Variants in PCDHGA4 observed in about 807,000 individuals in gnomAD.
The protein encoded by PCDHGA4 is protocadherin gamma subfamily A, 4, also known as protocadherin gamma-A4.
Under a neutral mutation model 54.6 loss-of-function variants are expected in PCDHGA4, and 38 were observed. The ratio of observed to expected loss-of-function variants is 0.70; its 90% CI spans 0.54 to 0.91. PCDHGA4 has a LOEUF of 0.91. PCDHGA4 is among the 40% of genes least tolerant of loss of function. The pLI is 0.00. For missense variants in PCDHGA4, 1,298 were observed against 1,220.9 expected, an observed-to-expected ratio of 1.06 and a Z score of -0.94; for synonymous variants, 511 against 512.9, an observed-to-expected ratio of 1.00 and a Z score of 0.05.
chr5:141,405,351 C>T (rs2094645564), intron 1 of PCDHGA4: 1 of 1,613,962 alleles, frequency 6.2e-7, no homozygotes, highest in Non-Finnish European at 8.5e-7. Context: ...TCCAAGTTTC[C>T]TATAGAAGAC....
intron 1 of PCDHGA4, chr5:141,398,734 G>C (rs768663543): frequency 6.2e-7 from 1 of 1,613,788 alleles, no homozygotes; most frequent in Non-Finnish European, 8.5e-7. Context: ...CTTAGACCGG[G>C]AACAACAGAG....
At chr5:141,473,283 A>G (rs2099318531) in intron 1 of PCDHGA4, among the ~76,000 whole-genome samples, 1 of 152,324 alleles carries the variant, frequency 6.6e-6, no homozygotes, top group Non-Finnish European at 1.5e-5. Flanking sequence ...TTATTTTACT[A>G]TGTCAGTAGC....
At chr5:141,373,905 A>G (rs947607007) in intron 1 of PCDHGA4, 1 of 603,766 alleles carries the variant, frequency 1.7e-6, no homozygotes, top group Non-Finnish European at 2.7e-6. Context: ...TACATCCTCC[A>G]ACAACAAAGC....
At chr5:141,499,423 GA>G (rs1229901490) in intron 2 of PCDHGA4, among the ~76,000 whole-genome samples, 3 of 151,756 alleles carry the variant, frequency 2.0e-5, no homozygotes, top group Non-Finnish European at 2.9e-5. Flanking sequence ...ATGAAAAATA[GA>G]AAAAAAATTA....
rs369529373 is a variant in PCDHGA4 at position 141,458,890 on chromosome 5, C to T, written c.2515-35917C>T. Among the ~76,000 whole-genome samples, 87 of 152,160 alleles carry T rather than the reference C, an allele frequency of 5.7e-4. 1 individual carries two copies. In the South Asian group the frequency reaches 0.016, roughly 28 times the overall value. ...TGGGACTACAGGCATGCACACCATG[C>T]GCAGCTAATTTTTTCTATTTTTTGT... On this transcript the variant is annotated intron_variant, in intron 1 of 3. Coordinates refer to ENST00000571252, the MANE Select transcript of PCDHGA4 (RefSeq NM_018917.4).
chr5:141,361,947 G>A (rs1762247949), intron 1 of PCDHGA4: 7 of 1,604,064 alleles, frequency 4.4e-6, no homozygotes, highest in Non-Finnish European at 5.9e-6. Context: ...ACGCTTGGCT[G>A]TCCTACCACG....
chr5:141,416,828 C>T (rs1014962852), intron 1 of PCDHGA4: 2 of 152,042 alleles, frequency 1.3e-5, no homozygotes, highest in African/African-American at 4.8e-5. Context: ...CGAAGTTTCT[C>T]AAGACCCTTA....
Position 141,494,803 on chromosome 5 carries a change from A to G in PCDHGA4, c.2515-4A>G. On this transcript the variant is annotated splice_polypyrimidine_tract_variant and splice_region_variant and intron_variant, in intron 1 of 3. Transcript: ENST00000571252. ...CAGCCCCTTTCCCTCTGTTTTCTCC[A>G]CAGCAAGCCCCGCCCAACACGGACT... The G allele has an allele frequency of 6.2e-7, 1 of 1,613,646 alleles. No individual in the cohort carries two copies. Among genetic ancestry groups the G allele is most frequent in the Non-Finnish European group, 8.5e-7 (1 of 1,179,900 alleles).
intron 1 of PCDHGA4, chr5:141,418,451 A>AG (rs2096259161): frequency 3.1e-6 from 5 of 1,614,046 alleles, no homozygotes; most frequent in Non-Finnish European, 4.2e-6. Context: ...AGTATTGCAG[A>AG]AGACTCTGGA....
chr5:141,369,045 A>G (rs1239688019), intron 1 of PCDHGA4, among the ~76,000 whole-genome samples: 2 of 152,192 alleles, frequency 1.3e-5, no homozygotes, highest in East Asian at 1.9e-4. Flanking sequence ...TAGAGTAACA[A>G]TACATTATGT....
In PCDHGA4 at chr5:141,399,495, T is replaced by G. The variant is rs779594817; in HGVS notation, c.2514+41874T>G. On this transcript the variant is annotated intron_variant, in intron 1 of 3. Transcript: ENST00000571252. ...TCCACCAGGCGTCCTACTTAGTCAGTGTACCCGAAAACAACCCTCCTGGGG... is the reference window on the plus strand; with the variant it reads ...TCCACCAGGCGTCCTACTTAGTCAGGGTACCCGAAAACAACCCTCCTGGGG... 1.1e-5 allele frequency: 18 copies of G among 1,613,916 alleles called. No individual in the cohort carries two copies. Among genetic ancestry groups the G allele is most frequent in the Non-Finnish European group, 1.5e-5 (18 of 1,179,912 alleles).
At chr5:141,362,487 T>A in intron 1 of PCDHGA4, 1 of 1,614,040 alleles carries the variant, frequency 6.2e-7, no homozygotes, top group Non-Finnish European at 8.5e-7. Context: ...TCTGTGACAA[T>A]GCCTCTTGGG....
intron 2 of PCDHGA4, among the ~76,000 whole-genome samples, chr5:141,501,286 C>T (rs2099806802): frequency 8.9e-6 from 1 of 112,422 alleles, no homozygotes; most frequent in African/African-American, 3.5e-5. Context: ...GGGATATTCC[C>T]TTATACACAC....
chr5:141,418,754 G>A (rs748707880), intron 1 of PCDHGA4: 1 of 1,613,926 alleles, frequency 6.2e-7, no homozygotes, highest in South Asian at 1.1e-5. Context: ...TTACACTACA[G>A]GAAACATTCT....
chr5:141,360,527 C>A, intron 1 of PCDHGA4: 1 of 1,613,910 alleles, frequency 6.2e-7, no homozygotes, highest in Non-Finnish European at 8.5e-7. Flanking sequence ...GATAATACCC[C>A]GCTATTCAAA....
chr5:141,410,224 C>T, intron 1 of PCDHGA4: 2 of 1,614,028 alleles, frequency 1.2e-6, no homozygotes, highest in Non-Finnish European at 8.5e-7. Context: ...TACTGCCAGA[C>T]CTCAGCGACC....
chr5:141,373,138 T>G (rs1047353742), intron 1 of PCDHGA4, among the ~76,000 whole-genome samples: 9 of 152,246 alleles, frequency 5.9e-5, no homozygotes, highest in African/African-American at 2.2e-4. Flanking sequence ...TCCTCACAAT[T>G]AAGTGGTTTA....
intron 1 of PCDHGA4, among the ~76,000 whole-genome samples, chr5:141,466,670 G>T (rs994949602): frequency 6.6e-6 from 1 of 152,046 alleles, no homozygotes; most frequent in Non-Finnish European, 1.5e-5. Flanking sequence ...TGATTTCACC[G>T]TTCTTCCACT....
At chr5:141,504,182 C>A (rs2099836345) in intron 2 of PCDHGA4, among the ~76,000 whole-genome samples, 1 of 152,234 alleles carries the variant, frequency 6.6e-6, no homozygotes, top group Non-Finnish European at 1.5e-5. Context: ...TCAAAAAAAT[C>A]ATGAAAATTG....
Sources: allele counts gnomAD v4.1 joint callset (sites outside exome capture counted in the v4.1 genomes callset), GRCh38; gene constraint gnomAD v4.1.1; transcripts MANE v1.5; gene names NCBI Gene and HGNC (gene_info 2026-07-23, HGNC 2026-07-21).